The following PPP6R2 variants were observed in gnomAD, a reference collection of about 807,000 sequenced individuals.
PPP6R2 encodes the protein serine/threonine-protein phosphatase 6 regulatory subunit 2.
Under a neutral mutation model 100.2 loss-of-function variants are expected in PPP6R2, and 62 were observed. The ratio of observed to expected loss-of-function variants is 0.62; its 90% confidence interval spans 0.50 to 0.76. The LOEUF (loss-of-function observed/expected upper bound fraction) is 0.76, where lower values mean the gene tolerates loss of function less well. PPP6R2 is among the 30% of genes least tolerant of loss of function. The pLI, the probability that PPP6R2 is intolerant of heterozygous loss-of-function variation, is 0.00. For synonymous variants in PPP6R2, 525 were observed against 514.7 expected, an observed-to-expected ratio of 1.02 and a Z score of -0.27; for missense variants, 1,142 against 1,276.3, an observed-to-expected ratio of 0.89 and a Z score of 1.60.
At chr22:50,432,433 G>T in intron 12 of PPP6R2, 104 bp downstream of exon 12, 1 of 1,152,478 alleles carries the variant, frequency 8.7e-7, no homozygotes, top group Non-Finnish European at 1.3e-6. Flanking sequence ...CTGCAGGATC[G>T]GGTGGAGTGT....
At position 50,437,523 on chromosome 22, in the gene PPP6R2, G is replaced by T. The variant is rs1156773820; in HGVS notation, c.1701G>T (p.Gln567His). 20 of 1,184,252 alleles carry T rather than the reference G, an allele frequency of 1.7e-5. No individual in the cohort carries two copies. The highest frequency in any genetic ancestry group is 2.2e-5 in the Non-Finnish European group (19 of 872,192). The allele number at this position is 1,184,252 out of a possible 1,614,324, so 73.4% of individuals were successfully genotyped here. ...CCTCCCAGGCCTTCTCTGACTACCAGATCCAGCAGATGACAGCCAACTTCG... is the reference window on the plus strand; with the variant it reads ...CCTCCCAGGCCTTCTCTGACTACCATATCCAGCAGATGACAGCCAACTTCG... Reference protein sequence around the residue: ...LSLQQAFSDYQIQQMTANFVD... With the variant: ...LSLQQAFSDYHIQQMTANFVD... Residue 567 changes from glutamine (Q) to histidine (H), a missense_variant, in exon 16 of 24, where the codon CAG (glutamine) becomes CAT (histidine). Physicochemically the swap from Gln to His is conservative, Grantham distance 24 (BLOSUM62 0). Around this residue, in one of 2 missense-constraint regions of PPP6R2, gnomAD observed 592 missense variants for 758.9 expected, o/e 0.78. Coordinates refer to ENST00000612753, the MANE Select transcript of PPP6R2 (RefSeq NM_001242898.2).
chr22:50,410,665 T>A (rs1445864982), intron 4 of PPP6R2, among the ~76,000 whole-genome samples: 3 of 151,994 alleles, frequency 2.0e-5, no homozygotes, highest in Non-Finnish European at 4.4e-5. Flanking sequence ...AAGAACCTCT[T>A]ATTTTTTTCA....
At chr22:50,382,413 A>G (rs926461069) in intron 2 of PPP6R2, among the ~76,000 whole-genome samples, 6 of 152,010 alleles carry the variant, frequency 3.9e-5, no homozygotes, top group African/African-American at 1.4e-4. Flanking sequence ...CCTGACTAAC[A>G]TGGTGAAACC....
intron 5 of PPP6R2, among the ~76,000 whole-genome samples, chr22:50,415,219 A>C (rs1317696413): frequency 6.6e-6 from 1 of 152,200 alleles, no homozygotes; most frequent in Non-Finnish European, 1.5e-5. Context: ...ATCCGTGCTG[A>C]CAAACTTCTG....
At chr22:50,352,842 GGAT>G (rs1260308481) in intron 1 of PPP6R2, among the ~76,000 whole-genome samples, 1 of 152,110 alleles carries the variant, frequency 6.6e-6, no homozygotes, top group Non-Finnish European at 1.5e-5. Context: ...TGAGTGGGGA[GGAT>G]CGCTTGAGCT....
chr22:50,398,553 T>C (rs9616935), intron 3 of PPP6R2, among the ~76,000 whole-genome samples: 26,780 of 148,376 alleles, frequency 0.18, 2,844 homozygotes, highest in East Asian at 0.23. Context: ...GTCCTTTCTG[T>C]CAACCAGGCT....
intron 10 of PPP6R2, among the ~76,000 whole-genome samples, chr22:50,429,165 G>C (rs895681633): frequency 2.0e-5 from 3 of 152,152 alleles, no homozygotes; most frequent in African/African-American, 7.2e-5. Context: ...CAAGTAGCTG[G>C]GATTACAGGC....
intron 1 of PPP6R2, among the ~76,000 whole-genome samples, chr22:50,346,287 C>A (rs1478572092): frequency 2.1e-5 from 1 of 47,578 alleles, no homozygotes. Context: ...CAGTCAGTGC[C>A]CCCTTCAGTG....
At chr22:50,366,717 G>C (rs780926065) in intron 1 of PPP6R2, among the ~76,000 whole-genome samples, 4 of 151,824 alleles carry the variant, frequency 2.6e-5, no homozygotes, top group Non-Finnish European at 2.9e-5. Flanking sequence ...TGGATCTTCA[G>C]CATTTGCTGT....
intron 2 of PPP6R2, among the ~76,000 whole-genome samples, chr22:50,381,459 C>T (rs868723822): frequency 4.6e-5 from 7 of 150,592 alleles, no homozygotes; most frequent in Admixed American, 1.3e-4. Flanking sequence ...CAGCACCACA[C>T]GGGCCCCACT....
chr22:50,428,251 C>T (rs2062551726), intron 10 of PPP6R2, among the ~76,000 whole-genome samples: 1 of 152,194 alleles, frequency 6.6e-6, no homozygotes, highest in Non-Finnish European at 1.5e-5. Flanking sequence ...CTTCTGGATG[C>T]TGTCATATAT....
At chr22:50,425,690 G>A (rs1265623913) in intron 10 of PPP6R2, among the ~76,000 whole-genome samples, 2 of 151,734 alleles carry the variant, frequency 1.3e-5, no homozygotes, top group African/African-American at 2.4e-5. Flanking sequence ...TCTGATGCTC[G>A]TCATCTGATG....
chr22:50,388,109 G>A (rs1394677163), intron 2 of PPP6R2, among the ~76,000 whole-genome samples: 2 of 151,992 alleles, frequency 1.3e-5, no homozygotes, highest in African/African-American at 4.8e-5. Flanking sequence ...GCTCGCTTGA[G>A]CCCAGGTGTT....
intron 4 of PPP6R2, among the ~76,000 whole-genome samples, chr22:50,412,191 GTTA>G (rs2059843515): frequency 6.6e-6 from 1 of 151,770 alleles, no homozygotes; most frequent in Non-Finnish European, 1.5e-5. Context: ...AAAAATAGAG[GTTA>G]TTTTTTCTTT....
rs1182879024 is a variant in PPP6R2, at chr22:50,419,469, C to G, written c.845+7C>G. The G allele has an allele frequency of 1.0e-5, 16 of 1,604,000 alleles. No homozygotes were observed. Among genetic ancestry groups the G allele is most frequent in the Non-Finnish European group, 1.4e-5 (16 of 1,171,164 alleles). On this transcript the variant is annotated splice_region_variant and intron_variant, in intron 8 of 23. Transcript: ENST00000612753. ...TGGAAACCAGGCGGGTTGGGTGAGT[C>G]TCACGAGGAGAAATCGTGTAGAGCT... is the stretch of plus-strand genomic sequence containing the variant.
intron 22 of PPP6R2, chr22:50,443,398 A>C: frequency 6.3e-6 from 1 of 159,296 alleles, no homozygotes; most frequent in Non-Finnish European, 1.4e-5. Flanking sequence ...CCCTGCAGGA[A>C]GCCAGGGGGC....
At chr22:50,340,504 G>A (rs1003208291), upstream of PPP6R2, among the ~76,000 whole-genome samples, 10 of 92,010 alleles carry the variant, frequency 1.1e-4, no homozygotes, top group Non-Finnish European at 1.9e-4. Context: ...TGTAGGGTGT[G>A]GTGTGTGTGT....
At chr22:50,417,969 CA>C (rs2060773751) in intron 6 of PPP6R2, among the ~76,000 whole-genome samples, 1 of 152,232 alleles carries the variant, frequency 6.6e-6, no homozygotes, top group African/African-American at 2.4e-5. Context: ...AACAGCCCTA[CA>C]TTGTCAGCAG....
Position 50,436,983 on chromosome 22 carries a change from T to TTTAGG in PPP6R2, c.1603-3_1604dup. On this transcript the variant is annotated splice_polypyrimidine_tract_variant and splice_region_variant and intron_variant, in intron 14 of 23. Transcript: ENST00000612753. ...CACGCCCACCCCATCTGGCCTGTGT[T>TTTAGG]TTAGGTGAGCACTCACCACCTTCAC... The TTTAGG allele has an allele frequency of 6.4e-7, 1 of 1,554,438 alleles. No individual in the cohort carries two copies. The highest frequency in any genetic ancestry group is 8.7e-7 in the Non-Finnish European group (1 of 1,148,978).
Sources: gnomAD v4.1 joint callset for allele counts (sites outside exome capture counted in the v4.1 genomes callset) on GRCh38, gnomAD v4.1.1 for gene constraint, gnomAD v4.1.1 regional missense constraint, MANE v1.5 for transcripts, NCBI Gene and HGNC (gene_info 2026-07-23, HGNC 2026-07-21) for gene names.